The following HNF1B variants were observed in gnomAD, a reference collection of about 807,000 sequenced individuals.
The protein encoded by HNF1B is hepatocyte nuclear factor 1-beta.
Under a neutral mutation model 61.7 loss-of-function variants are expected in HNF1B, and 8 were observed. That is an observed-to-expected ratio of 0.13 (90% CI 0.08 to 0.23). HNF1B has a LOEUF of 0.23. HNF1B is among the 10% of genes least tolerant of loss of function. The pLI, the probability that HNF1B is intolerant of heterozygous loss-of-function variation, is 1.00. For synonymous variants in HNF1B, 314 were observed against 287.7 expected, an observed-to-expected ratio of 1.09 and a Z score of -0.93; for missense variants, 562 against 714.5, an observed-to-expected ratio of 0.79 and a Z score of 2.43.
At chr17:37,702,958 G>C (rs1342645494) in intron 6 of HNF1B, among the ~76,000 whole-genome samples, 1 of 152,220 alleles carries the variant, frequency 6.6e-6, no homozygotes, top group African/African-American at 2.4e-5. Context: ...TGGGAAGTAT[G>C]CTATCCAGTC....
At chr17:37,706,016 T>TG (rs1008015787) in intron 5 of HNF1B, among the ~76,000 whole-genome samples, 1 of 152,224 alleles carries the variant, frequency 6.6e-6, no homozygotes, top group Admixed American at 6.5e-5. Context: ...TGGAGTGCAG[T>TG]GGCATGATCT....
chr17:37,723,156 G>A (rs2033375242), intron 4 of HNF1B, among the ~76,000 whole-genome samples: 1 of 151,370 alleles, frequency 6.6e-6, no homozygotes, highest in Admixed American at 6.6e-5. Flanking sequence ...TGGCTAACAC[G>A]GTGAAACCCC....
intron 4 of HNF1B, among the ~76,000 whole-genome samples, chr17:37,727,316 C>G (rs2033531870): frequency 6.6e-6 from 1 of 152,118 alleles, no homozygotes; most frequent in Non-Finnish European, 1.5e-5. Flanking sequence ...TGGCCAAGAG[C>G]TGGAATAGGG....
At chr17:37,690,522 G>C (rs915746981) in intron 8 of HNF1B, among the ~76,000 whole-genome samples, 6 of 152,206 alleles carry the variant, frequency 3.9e-5, no homozygotes, top group African/African-American at 1.4e-4. Context: ...AGATCAGGGA[G>C]AGACAAGGGG....
At chr17:37,692,053 G>C (rs1014111271) in intron 8 of HNF1B, among the ~76,000 whole-genome samples, 4 of 152,216 alleles carry the variant, frequency 2.6e-5, no homozygotes, top group African/African-American at 9.7e-5. Flanking sequence ...CCAGACTAGC[G>C]GGGCATTGTT....
chr17:37,718,887 G>A (rs998525949), intron 4 of HNF1B, among the ~76,000 whole-genome samples: 1 of 152,176 alleles, frequency 6.6e-6, no homozygotes, highest in African/African-American at 2.4e-5. Context: ...CTGTTGAGTT[G>A]AGTGGTGGTG....
chr17:37,693,879 G>A (rs117792605), intron 8 of HNF1B, among the ~76,000 whole-genome samples: 107 of 152,314 alleles, frequency 7.0e-4, no homozygotes, highest in Non-Finnish European at 1.2e-3. Context: ...TTGTTTAAGA[G>A]TCTGGGATCT....
rs2034115814 is a variant in HNF1B at position 37,744,667 on chromosome 17, C to A, written c.218G>T (p.Arg73Leu). The change falls in exon 1 of 9, where the codon CGC (arginine) becomes CTC (leucine). Residue 73 changes from arginine to leucine, a missense_variant. Coordinates refer to ENST00000617811, the MANE Select transcript of HNF1B (RefSeq NM_000458.4). ...CTCGGAGCCCTCGTCGCCGGACAAGCGGCCCTTGGCGTGGCCGTTGGTGAG... is the reference window on the plus strand; with the variant it reads ...CTCGGAGCCCTCGTCGCCGGACAAGAGGCCCTTGGCGTGGCCGTTGGTGAG... ...HTLTNGHAKGRLSGDEGSEDG... is the reference protein window; with the variant it reads ...HTLTNGHAKGLLSGDEGSEDG... 7 of 1,613,162 alleles carry A rather than the reference C, an allele frequency of 4.3e-6. No homozygotes were observed. Among genetic ancestry groups the A allele is most frequent in the African/African-American group, 1.3e-5 (1 of 74,948 alleles).
chr17:37,720,314 G>A (rs1259218148), intron 4 of HNF1B, among the ~76,000 whole-genome samples: 1 of 152,142 alleles, frequency 6.6e-6, no homozygotes, highest in African/African-American at 2.4e-5. Context: ...AAAGTAACTA[G>A]TAGAACTAAA....
At chr17:37,696,053 T>C (rs1286113810) in intron 8 of HNF1B, among the ~76,000 whole-genome samples, 1 of 152,182 alleles carries the variant, frequency 6.6e-6, no homozygotes, top group African/African-American at 2.4e-5. Context: ...TGAAATGTGA[T>C]TCCCAGTGTT....
chr17:37,720,787 C>T (rs1001770684), intron 4 of HNF1B: 34 of 985,172 alleles, frequency 3.5e-5, no homozygotes, highest in Non-Finnish European at 3.7e-5. Flanking sequence ...AGAATACATA[C>T]ATACAGAGCA....
chr17:37,707,307 G>A (rs1429336710), intron 5 of HNF1B, among the ~76,000 whole-genome samples: 2 of 151,796 alleles, frequency 1.3e-5, no homozygotes, highest in East Asian at 1.9e-4. Flanking sequence ...GTAGGGACAG[G>A]GCCTTGCTGT....
At chr17:37,715,204 C>T (rs1398007849) in intron 4 of HNF1B, among the ~76,000 whole-genome samples, 2 of 152,000 alleles carry the variant, frequency 1.3e-5, no homozygotes, top group East Asian at 1.9e-4. Flanking sequence ...CCTGCATGCA[C>T]GCTGATGATA....
intron 4 of HNF1B, among the ~76,000 whole-genome samples, chr17:37,724,928 G>GTATATATATA (rs1336418650): frequency 3.6e-5 from 5 of 140,022 alleles, no homozygotes; most frequent in African/African-American, 1.4e-4. Flanking sequence ...GTGTGTGTGT[G>GTATATATATA]TGTGTGTGTA....
chr17:37,730,885 C>T, intron 4 of HNF1B: 1 of 155,764 alleles, frequency 6.4e-6, no homozygotes, highest in Non-Finnish European at 1.4e-5. Flanking sequence ...ATGAGGTGTG[C>T]TTTCCCCCAA....
chr17:37,721,068 A>C, intron 4 of HNF1B: 1 of 478,276 alleles, frequency 2.1e-6, no homozygotes, highest in Non-Finnish European at 2.7e-6. Context: ...CTGCCAACCC[A>C]GTCCAATGGG....
chr17:37,697,422 G>C (rs972903390), intron 8 of HNF1B, among the ~76,000 whole-genome samples: 1 of 152,206 alleles, frequency 6.6e-6, no homozygotes, highest in Non-Finnish European at 1.5e-5. Context: ...GGAGAAGCCA[G>C]TGGGGGGCTG....
intron 8 of HNF1B, among the ~76,000 whole-genome samples, chr17:37,694,423 TCCCCCCGCCCCGCCGCCCCCCCCC>T (rs1304318441): frequency 5.0e-5 from 1 of 20,102 alleles, no homozygotes; most frequent in Non-Finnish European, 9.6e-5. Flanking sequence ...CAAAACTCCA[TCCCCCCGCCCCGCCGCCCCCCCCC>T]CCCCCCGCAA....
chr17:37,728,232 C>G (rs2033567779), intron 4 of HNF1B, among the ~76,000 whole-genome samples: 1 of 151,656 alleles, frequency 6.6e-6, no homozygotes, highest in South Asian at 2.1e-4. Flanking sequence ...AAACTCCTGA[C>G]CTCAAGTGAT....
Sources: gnomAD v4.1 joint callset for allele counts (sites outside exome capture counted in the v4.1 genomes callset) on GRCh38, gnomAD v4.1.1 for gene constraint, MANE v1.5 for transcripts, NCBI Gene and HGNC (gene_info 2026-07-23, HGNC 2026-07-21) for gene names.